MAP4K5: variants seen among roughly 807,000 people sequenced by gnomAD.
The protein encoded by MAP4K5 is mitogen-activated protein kinase kinase kinase kinase 5, also known as MAPK/ERK kinase kinase kinase 5.
Under a neutral mutation model 135.6 loss-of-function variants are expected in MAP4K5, and 82 were observed. The ratio of observed to expected loss-of-function variants is 0.60; its 90% confidence interval spans 0.51 to 0.73. The LOEUF (loss-of-function observed/expected upper bound fraction) is 0.73. Among genes scored for constraint, MAP4K5 ranks in the 30% least tolerant of loss-of-function variants. MAP4K5 has a pLI of 0.00. For synonymous variants in MAP4K5, 347 were observed against 335.0 expected (o/e 1.04, Z -0.39); for missense variants, 907 against 1,010.9 (o/e 0.90, Z 1.39).
chr14:50,458,589 T>C (rs1215727316), intron 13 of MAP4K5, among the ~76,000 whole-genome samples: 1 of 152,198 alleles, frequency 6.6e-6, no homozygotes, highest in African/African-American at 2.4e-5. Flanking sequence ...TATGTTCTCA[T>C]TGAAACTCTC....
chr14:50,473,954 G>C (rs2037035752), intron 9 of MAP4K5, among the ~76,000 whole-genome samples: 1 of 151,988 alleles, frequency 6.6e-6, no homozygotes, highest in South Asian at 2.1e-4. Context: ...TCGATCTCCT[G>C]ACCTCTTGAT....
intron 11 of MAP4K5, among the ~76,000 whole-genome samples, chr14:50,464,345 C>T (rs1272863304): frequency 2.0e-5 from 3 of 152,154 alleles, no homozygotes; most frequent in African/African-American, 7.2e-5. Context: ...TATACAACCA[C>T]AAAAATTACA....
At chr14:50,448,194 T>C (rs1165107368) in intron 15 of MAP4K5, among the ~76,000 whole-genome samples, 1 of 152,008 alleles carries the variant, frequency 6.6e-6, no homozygotes, top group Non-Finnish European at 1.5e-5. Context: ...TTTGTATTTT[T>C]AGTAAAGACA....
intron 32 of MAP4K5, 124 bp from the exon 33 acceptor site, chr14:50,420,230 C>A: frequency 1.5e-6 from 1 of 670,720 alleles, no homozygotes; most frequent in Admixed American, 2.3e-5. Flanking sequence ...GGATCACAGA[C>A]GCACAATCAA....
rs555928003 is a variant in MAP4K5 at position 50,485,974 on chromosome 14, C to A, written c.257+130G>T. The A allele has an allele frequency of 1.6e-5, 9 of 574,508 alleles. No homozygotes were observed. In the African/African-American group the frequency reaches 1.6e-4, roughly 10 times the overall value. The allele number at this position is 574,508 out of a possible 1,614,324, so 35.6% of individuals were successfully genotyped here. ...GGGGAAAACCGTAGAAATAGGAAAA[C>A]CTTAAAAAATTTAGAACTTTGCAGT... On this transcript the variant is annotated intron_variant, in intron 4 of 32. Coordinates refer to ENST00000682126, the MANE Select transcript of MAP4K5 (RefSeq NM_006575.6).
At chr14:50,510,036 T>C (rs1019136742) in intron 2 of MAP4K5, among the ~76,000 whole-genome samples, 8 of 152,188 alleles carry the variant, frequency 5.3e-5, no homozygotes, top group Non-Finnish European at 1.2e-4. Context: ...TGACAATGAC[T>C]GATGCTAACA....
At chr14:50,496,813 C>CA (rs2037605054) in intron 3 of MAP4K5, among the ~76,000 whole-genome samples, 1 of 145,828 alleles carries the variant, frequency 6.9e-6, no homozygotes, top group Non-Finnish European at 1.5e-5. Context: ...GCTCCCAGAC[C>CA]AAAAAAATAA....
rs1299097758 is a variant in MAP4K5 at position 50,504,870 on chromosome 14, TAAAAAC to T, written c.109-19_109-14del. 1.3e-6 allele frequency: 2 copies of T among 1,516,962 alleles called. No individual in the cohort carries two copies. Among genetic ancestry groups the T allele is most frequent in the Non-Finnish European group, 1.8e-6 (2 of 1,132,414 alleles). 94.0% of individuals were successfully genotyped at this position (1,516,962 alleles called of 1,614,324 possible). Reference sequence around the variant, plus strand: ...GTACATTTCTGGCCTAAAAATAAAATAAAAACAAAAATCTTGTTAATTAAAAGCTTG... The same window carrying T: ...GTACATTTCTGGCCTAAAAATAAAATAAAAATCTTGTTAATTAAAAGCTTG... On this transcript the variant is annotated splice_polypyrimidine_tract_variant and intron_variant, in intron 2 of 32. Transcript: ENST00000682126.
upstream of MAP4K5, among the ~76,000 whole-genome samples, chr14:50,535,867 G>C (rs2038484785): frequency 6.6e-6 from 1 of 152,162 alleles, no homozygotes; most frequent in East Asian, 1.9e-4. Flanking sequence ...GGAGGGACCA[G>C]GTAGGAGGTA....
intron 1 of MAP4K5, among the ~76,000 whole-genome samples, chr14:50,548,673 C>A (rs2038664612): frequency 6.6e-6 from 1 of 152,098 alleles, no homozygotes; most frequent in African/African-American, 2.4e-5. Context: ...CCACGCCCAG[C>A]TAATTTTTTT....
chr14:50,448,967 T>C, intron 14 of MAP4K5, 135 bp from the exon 15 acceptor site: 1 of 634,204 alleles, frequency 1.6e-6, no homozygotes, highest in Non-Finnish European at 2.8e-6. Context: ...ATGTTATTTT[T>C]TGACTACAAG....
chr14:50,443,579 G>T, intron 20 of MAP4K5, 150 bp downstream of exon 20: 1 of 650,664 alleles, frequency 1.5e-6, no homozygotes, highest in South Asian at 2.9e-5. Context: ...ACTCAAATTA[G>T]AATACATGAT....
At chr14:50,556,804 GT>G (rs2140168124) in intron 1 of MAP4K5, among the ~76,000 whole-genome samples, 1 of 152,260 alleles carries the variant, frequency 6.6e-6, no homozygotes, top group East Asian at 1.9e-4. Flanking sequence ...GTCCATCCAT[GT>G]TGTACCATAT....
At chr14:50,478,316 A>C (rs1296565391) in intron 6 of MAP4K5, among the ~76,000 whole-genome samples, 1 of 151,996 alleles carries the variant, frequency 6.6e-6, no homozygotes, top group African/African-American at 2.4e-5. Context: ...CAATCTGTCT[A>C]GATGTTTATC....
intron 2 of MAP4K5, among the ~76,000 whole-genome samples, chr14:50,518,581 T>C (rs1260067401): frequency 6.6e-6 from 1 of 152,202 alleles, no homozygotes; most frequent in Non-Finnish European, 1.5e-5. Context: ...TCCTATCCCA[T>C]GGAAGGAGGC....
intron 5 of MAP4K5, among the ~76,000 whole-genome samples, chr14:50,483,912 G>A (rs1372274624): frequency 6.6e-6 from 1 of 151,766 alleles, no homozygotes; most frequent in Non-Finnish European, 1.5e-5. Context: ...CCAGGCTGGA[G>A]TGCACTGGCG....
intron 2 of MAP4K5, among the ~76,000 whole-genome samples, chr14:50,520,236 C>G (rs149850543): frequency 6.6e-6 from 1 of 152,208 alleles, no homozygotes; most frequent in South Asian, 2.1e-4. Context: ...TGGTGGCTCA[C>G]GCCTGTAATC....
chr14:50,538,275 G>A lies in MAP4K5; in HGVS notation c.-94+4224C>T, dbSNP rs1424687831. ...CTCCTCCTTGCCTTCTGCCACAATT[G>A]TGAGGCTTTCCCTGCCACATAGAAC... On this transcript the variant is annotated intron_variant, in intron 2 of 8. Transcript: ENST00000555216. 2.6e-5 allele frequency among the ~76,000 whole-genome samples: 4 copies of A among 152,162 alleles called. No individual in the cohort carries two copies. The East Asian group carries it at 5.8e-4, about 22-fold the overall frequency.
upstream of MAP4K5, among the ~76,000 whole-genome samples, chr14:50,537,339 T>C (rs1177466243): frequency 6.6e-6 from 1 of 152,198 alleles, no homozygotes; most frequent in Non-Finnish European, 1.5e-5. Flanking sequence ...TCAGATGATG[T>C]ATGGAAATGC....
Sources: gnomAD v4.1 joint callset for allele counts (sites outside exome capture counted in the v4.1 genomes callset) on GRCh38, gnomAD v4.1.1 for gene constraint, MANE v1.5 for transcripts, NCBI Gene and HGNC (gene_info 2026-07-23, HGNC 2026-07-21) for gene names.